The following PLAG1 variants were observed in gnomAD, a reference collection of about 807,000 sequenced individuals.
PLAG1 encodes PLAG1 zinc finger.
A neutral mutation model predicts 35.5 loss-of-function variants in PLAG1; 7 were observed. The observed-to-expected ratio is 0.20, with a 90% CI of 0.11 to 0.37. PLAG1 has a LOEUF of 0.37. Among genes scored for constraint, PLAG1 ranks in the 10% least tolerant of loss-of-function variants. The probability of loss-of-function intolerance (pLI) is 1.00; values close to 1 mark genes in which losing one functional copy is unlikely to be tolerated. For synonymous variants in PLAG1, 229 were observed against 225.4 expected (o/e 1.02, Z -0.14); for missense variants, 454 against 602.8 (o/e 0.75, Z 2.58).
At chr8:56,197,062 C>T (rs751975793) in intron 1 of PLAG1, among the ~76,000 whole-genome samples, 1 of 151,876 alleles carries the variant, frequency 6.6e-6, no homozygotes, top group Non-Finnish European at 1.5e-5. Context: ...GTATTTCTGT[C>T]TCTCCCCCCA....
chr8:56,192,283 A>G (rs1812206777), intron 1 of PLAG1, among the ~76,000 whole-genome samples: 1 of 152,234 alleles, frequency 6.6e-6, no homozygotes, highest in South Asian at 2.1e-4. Flanking sequence ...ACACCTAAGC[A>G]TTTAACTTAA....
Position 56,165,996 on chromosome 8 carries a change from A to C in PLAG1, c.*247T>G. On this transcript the variant is annotated 3_prime_UTR_variant, in exon 5 of 5. Transcript: ENST00000316981. ...AATAATGGCTTTCCTATATGGAAAA[A>C]AAAAAGTCTTAAAATGTGACAATTG... The C allele has an allele frequency of 3.6e-6, 1 of 274,506 alleles. No individual in the cohort carries two copies. The highest frequency in any genetic ancestry group is 6.8e-6 in the Non-Finnish European group (1 of 146,288). The allele number at this position is 274,506 out of a possible 1,614,324, so 17.0% of individuals were successfully genotyped here. A position where few individuals can be genotyped will look rare whatever the true frequency, so the allele number is the denominator to read the frequency against.
chr8:56,176,462 A>C (rs1456438427), intron 2 of PLAG1, among the ~76,000 whole-genome samples: 1 of 152,174 alleles, frequency 6.6e-6, no homozygotes, highest in Non-Finnish European at 1.5e-5. Context: ...AAATAAAAAG[A>C]CTTAAAAATA....
intron 1 of PLAG1, among the ~76,000 whole-genome samples, chr8:56,190,283 G>A (rs1297673634): frequency 6.6e-6 from 1 of 152,122 alleles, no homozygotes; most frequent in African/African-American, 2.4e-5. Flanking sequence ...GGGGCACGGA[G>A]AGGGGAAAGG....
chr8:56,186,617 C>T (rs1214063317), intron 1 of PLAG1, among the ~76,000 whole-genome samples: 2 of 151,744 alleles, frequency 1.3e-5, no homozygotes, highest in South Asian at 4.1e-4. Flanking sequence ...AACTGATCTG[C>T]CAGCCTTGGC....
At chr8:56,199,695 A>G (rs1233576461) in intron 1 of PLAG1, among the ~76,000 whole-genome samples, 6 of 151,326 alleles carry the variant, frequency 4.0e-5, no homozygotes, top group Non-Finnish European at 7.4e-5. Flanking sequence ...AGCTAGACCA[A>G]CCCTTCCTGG....
chr8:56,162,196 C>T lies in PLAG1; in HGVS notation c.*4047G>A, dbSNP rs2129223084. ...ACAAGACAAATTCAACTTAGGCACA[C>T]ATTTACCAGAACTAACAGCCAGCCA... On this transcript the variant is annotated 3_prime_UTR_variant, in exon 5 of 5. Coordinates refer to ENST00000316981, the MANE Select transcript of PLAG1 (RefSeq NM_002655.3). The T allele has an allele frequency of 1.7e-5, 4 of 228,672 alleles. No homozygotes were observed. In the East Asian group the frequency reaches 1.9e-4, roughly 11 times the overall value. The allele number at this position is 228,672 out of a possible 1,614,324, so 14.2% of individuals were successfully genotyped here.
In PLAG1 at chr8:56,165,991, G is replaced by GAA; in HGVS notation, c.*250_*251dup. ...CTACTAATAATGGCTTTCCTATATG[G>GAA]AAAAAAAAAAGTCTTAAAATGTGAC... On this transcript the variant is annotated 3_prime_UTR_variant, in exon 5 of 5. Coordinates refer to ENST00000316981, the MANE Select transcript of PLAG1 (RefSeq NM_002655.3). The GAA allele has an allele frequency of 1.2e-5, 3 of 255,496 alleles. No homozygotes were observed. The highest frequency in any genetic ancestry group is 2.2e-5 in the Non-Finnish European group (3 of 134,822). 15.8% of individuals were successfully genotyped at this position (255,496 alleles called of 1,614,324 possible). A position where few individuals can be genotyped will look rare whatever the true frequency, so the allele number is the denominator to read the frequency against.
chr8:56,177,980 G>A lies in PLAG1; in HGVS notation c.-217+1429C>T, dbSNP rs143399670. 5.5e-5 allele frequency: 53 copies of A among 961,930 alleles called. 2 individuals are homozygous for A. The Middle Eastern group carries it at 4.3e-3, about 77-fold the overall frequency. 59.6% of individuals were successfully genotyped at this position (961,930 alleles called of 1,614,324 possible). ...GCACGTGCTACCCAGAGCCCGCCAA[G>A]CACGGATACAAACCTGGGTAGCACT... On this transcript the variant is annotated intron_variant, in intron 2 of 4. Coordinates refer to ENST00000316981, the MANE Select transcript of PLAG1 (RefSeq NM_002655.3).
Position 56,167,359 on chromosome 8 carries a change from G to C in PLAG1, c.387C>G (p.Asn129Lys). 1 of 1,614,046 alleles carries C rather than the reference G, an allele frequency of 6.2e-7. No homozygotes were observed. The highest frequency in any genetic ancestry group is 1.1e-5 in the South Asian group (1 of 91,076). ...ETFKCEECGK[N>K]YNTKLGFKRH... ...GTTTAAATCCAAGCTTGGTATTGTA[G>C]TTCTTGCCACATTCTTCGCACTTAA... is the stretch of plus-strand genomic sequence containing the variant. Residue 129 changes from asparagine (N) to lysine (K), a missense_variant, in exon 5 of 5, where the codon AAC (asparagine) becomes AAG (lysine). By Grantham distance (94) the Asn-to-Lys change is moderately conservative. Transcript: ENST00000316981. The surrounding 1 kb of genome is among the most constrained non-coding windows in gnomAD (Gnocchi z 5.9).
rs1811237767 is a variant in PLAG1 at position 56,162,661 on chromosome 8, T to G, written c.*3582A>C. On this transcript the variant is annotated 3_prime_UTR_variant, in exon 5 of 5. Transcript: ENST00000316981. The stretch of plus-strand genomic sequence containing the variant: ...AGTATAGAGGTTGACCAAGCTCTAT[T>G]TTTTAAAAAAATATTGGCCTATAAT... 4.8e-6 allele frequency: 1 copy of G among 210,338 alleles called. No homozygotes were observed. Among genetic ancestry groups the G allele is most frequent in the Non-Finnish European group, 9.7e-6 (1 of 103,422 alleles). The allele number at this position is 210,338 out of a possible 1,614,324, so 13.0% of individuals were successfully genotyped here. A position where few individuals can be genotyped will look rare whatever the true frequency, so the allele number is the denominator to read the frequency against.
chr8:56,197,092 C>T (rs1812400888), intron 1 of PLAG1, among the ~76,000 whole-genome samples: 1 of 152,024 alleles, frequency 6.6e-6, no homozygotes, highest in South Asian at 2.1e-4. Context: ...GTCTGTCTCT[C>T]TCTTCCTCGC....
chr8:56,195,370 G>A (rs1459844743), intron 1 of PLAG1, among the ~76,000 whole-genome samples: 5 of 152,192 alleles, frequency 3.3e-5, no homozygotes, highest in African/African-American at 1.2e-4. Context: ...TAGGTGCCCT[G>A]AACAGTCAGC....
Position 56,167,785 on chromosome 8 carries a change from G to C in PLAG1, c.242+243C>G, listed in dbSNP as rs1811404609. Among the ~76,000 whole-genome samples the C allele has an allele frequency of 6.6e-6, 1 of 152,110 alleles. No homozygotes were observed. Among genetic ancestry groups the C allele is most frequent in the African/African-American group, 2.4e-5 (1 of 41,430 alleles). Reference sequence around the variant, plus strand: ...TAAACGTCCTTACCCTTTTCTTGTTGTAATTTCTTTCTACAAATGGAAATT... The same window carrying C: ...TAAACGTCCTTACCCTTTTCTTGTTCTAATTTCTTTCTACAAATGGAAATT... On this transcript the variant is annotated intron_variant, in intron 4 of 4. Coordinates refer to ENST00000316981, the MANE Select transcript of PLAG1 (RefSeq NM_002655.3). This position sits in a 1 kb window ranked among gnomAD's most constrained non-coding sequence, Gnocchi z 5.9.
At chr8:56,198,034 C>T (rs923583586) in intron 1 of PLAG1, among the ~76,000 whole-genome samples, 5 of 152,184 alleles carry the variant, frequency 3.3e-5, no homozygotes, top group African/African-American at 1.2e-4. Context: ...GAACTCATGT[C>T]GTCCCAGACA....
At chr8:56,172,237 T>G (rs1811550819) in intron 2 of PLAG1, among the ~76,000 whole-genome samples, 1 of 152,168 alleles carries the variant, frequency 6.6e-6, no homozygotes. Context: ...ATAAAGTATT[T>G]AATAGAAGGC....
chr8:56,201,417 A>G (rs992558918), intron 1 of PLAG1, among the ~76,000 whole-genome samples: 3 of 152,230 alleles, frequency 2.0e-5, no homozygotes, highest in Admixed American at 6.5e-5. Context: ...GTTTATACTT[A>G]TATCTTTAGA....
In PLAG1 at chr8:56,167,246, T is replaced by C; in HGVS notation, c.500A>G (p.Glu167Gly). The C allele has an allele frequency of 6.2e-7, 1 of 1,614,118 alleles. No individual in the cohort carries two copies. The highest frequency in any genetic ancestry group is 2.2e-5 in the East Asian group (1 of 44,882). The change falls in exon 5 of 5, where the codon GAG becomes GGG. Residue 167 changes from glutamate to glycine, a missense_variant. Around this residue, in one of 4 missense-constraint regions of PLAG1, gnomAD observed 170 missense variants for 226.3 expected, o/e 0.75. Transcript: ENST00000316981. The surrounding 1 kb of genome is among the most constrained non-coding windows in gnomAD (Gnocchi z 5.9). ...CTTGCCTGCATGAGATTTAAGGTGCTCCAGAAGCACTCCCGTGCTTTCAAA... is the reference window on the plus strand; with the variant it reads ...CTTGCCTGCATGAGATTTAAGGTGCCCCAGAAGCACTCCCGTGCTTTCAAA... ...QTFESTGVLL[E>G]HLKSHAGKSS...
At chr8:56,190,907 G>C (rs1812162846) in intron 1 of PLAG1, among the ~76,000 whole-genome samples, 1 of 152,166 alleles carries the variant, frequency 6.6e-6, no homozygotes, top group South Asian at 2.1e-4. Context: ...TATTGGTCCA[G>C]TGAACTAAAG....
Sources: gnomAD v4.1 joint callset for allele counts (sites outside exome capture counted in the v4.1 genomes callset) on GRCh38, gnomAD v4.1.1 for gene constraint, gnomAD v4.1.1 regional missense constraint, Gnocchi (gnomAD v3.1) non-coding constraint, MANE v1.5 for transcripts, NCBI Gene and HGNC (gene_info 2026-07-23, HGNC 2026-07-21) for gene names.